ZFP64: variants seen among roughly 807,000 people sequenced by gnomAD.
ZFP64 encodes the protein zinc finger protein 64.
Under a neutral mutation model 51.6 loss-of-function variants are expected in ZFP64, and 14 were observed. That is an observed-to-expected ratio of 0.27 (90% confidence interval 0.18 to 0.42). ZFP64 has a LOEUF of 0.42. Ranked by LOEUF, ZFP64 falls within the 10% of genes least tolerant of loss-of-function variation. ZFP64 has a pLI of 1.00. For missense variants in ZFP64, 754 were observed against 906.8 expected (o/e 0.83, Z 2.16); for synonymous variants, 375 against 361.4 (o/e 1.04, Z -0.43).
intron 5 of ZFP64, among the ~76,000 whole-genome samples, chr20:52,134,514 A>G (rs908969970): frequency 3.3e-5 from 5 of 152,198 alleles, no homozygotes; most frequent in African/African-American, 1.2e-4. Flanking sequence ...GGGACTGACA[A>G]CTTTTCAGCC....
At chr20:52,108,415 G>A (rs954383870) in intron 5 of ZFP64, among the ~76,000 whole-genome samples, 1 of 151,604 alleles carries the variant, frequency 6.6e-6, no homozygotes, top group Non-Finnish European at 1.5e-5. Context: ...CAAATATAAT[G>A]ACAACTGATT....
chr20:52,161,715 G>A (rs1227584106), intron 4 of ZFP64, among the ~76,000 whole-genome samples: 2 of 152,082 alleles, frequency 1.3e-5, no homozygotes, highest in Non-Finnish European at 2.9e-5. Flanking sequence ...CACTGATAGC[G>A]TGTATCATAT....
chr20:52,119,534 ATATAT>A (rs1399453495), intron 5 of ZFP64, among the ~76,000 whole-genome samples: 6 of 41,820 alleles, frequency 1.4e-4, no homozygotes, highest in African/African-American at 5.4e-4. Context: ...AAAAAAAAAA[ATATAT>A]ATATATATAT....
At chr20:52,182,657 T>G (rs1212517052) in intron 2 of ZFP64, among the ~76,000 whole-genome samples, 1 of 152,162 alleles carries the variant, frequency 6.6e-6, no homozygotes, top group Non-Finnish European at 1.5e-5. Context: ...AGATCAAGGC[T>G]GCAGTGAGCC....
At chr20:52,181,803 G>A (rs925845234) in intron 2 of ZFP64, among the ~76,000 whole-genome samples, 3 of 152,222 alleles carry the variant, frequency 2.0e-5, no homozygotes, top group African/African-American at 7.2e-5. Flanking sequence ...GCTCCCAGGG[G>A]ATCTTGGTCC....
chr20:52,128,242 C>T (rs1042069410), intron 5 of ZFP64, among the ~76,000 whole-genome samples: 3 of 152,124 alleles, frequency 2.0e-5, no homozygotes, highest in African/African-American at 7.2e-5. Context: ...AGTTTGAGAC[C>T]AGCCTGGGCA....
intron 1 of ZFP64, among the ~76,000 whole-genome samples, chr20:52,188,206 A>G (rs79935707): frequency 0.023 from 3,532 of 152,068 alleles, 130 homozygotes; most frequent in African/African-American, 0.081. Flanking sequence ...CAACACTGCA[A>G]TCAATCAATT....
rs34646115 is a variant in ZFP64, at chr20:52,102,107, C to CAAAAAAAAAAAAAAAA, written c.764-3536_764-3521dup. 9.0e-4 allele frequency among the ~76,000 whole-genome samples: 57 copies of CAAAAAAAAAAAAAAAA among 63,396 alleles called. 2 individuals are homozygous for CAAAAAAAAAAAAAAAA. The highest frequency in any genetic ancestry group is 1.2e-3 in the Non-Finnish European group (38 of 32,662). The allele number at this position is 63,396 out of a possible 152,430, so 41.6% of individuals were successfully genotyped here. The stretch of plus-strand genomic sequence containing the variant: ...AGCCTGGTGAGAGTAACTCCATCTC[C>CAAAAAAAAAAAAAAAA]AAAAAAAAAAAAAAAAAAGGCAGCA... On this transcript the variant is annotated intron_variant, in intron 5 of 8. Coordinates refer to the ZFP64 transcript ENST00000361387.
Position 52,152,278 on chromosome 20 carries a change from G to A in ZFP64, c.1914C>T (p.Ile638=), listed in dbSNP as rs759832692. 14 of 1,614,130 alleles carry A rather than the reference G, an allele frequency of 8.7e-6. No individual in the cohort carries two copies. The highest frequency in any genetic ancestry group is 1.2e-5 in the Non-Finnish European group (14 of 1,180,026). ...CCGGTGGCGCTGTGGTGGCCACTGC[G>A]ATGTTCTGGCCTCCATCGCTCACCA... ...VTVVSDGGQN[I]AVATTAPPVF... Residue 638 remains isoleucine, a synonymous_variant, in exon 6 of 6, where the codon ATC becomes ATT. Transcript: ENST00000216923.
chr20:52,145,179 C>G (rs1980462925), intron 5 of ZFP64, among the ~76,000 whole-genome samples: 1 of 152,100 alleles, frequency 6.6e-6, no homozygotes, highest in South Asian at 2.1e-4. Context: ...AACTAGAGAC[C>G]AGCTGCATGT....
At chr20:52,108,084 TG>T (rs746082954) in intron 5 of ZFP64, among the ~76,000 whole-genome samples, 70 of 152,084 alleles carry the variant, frequency 4.6e-4, no homozygotes, top group Non-Finnish European at 1.8e-4. Context: ...AAAAATTAGC[TG>T]GGCGGATGAC....
chr20:52,132,971 G>A (rs994987518), intron 5 of ZFP64, among the ~76,000 whole-genome samples: 1 of 152,036 alleles, frequency 6.6e-6, no homozygotes, highest in East Asian at 1.9e-4. Context: ...CAAAATACTA[G>A]CAAACCAAAT....
At chr20:52,182,671 A>G (rs1983695251) in intron 2 of ZFP64, among the ~76,000 whole-genome samples, 1 of 152,206 alleles carries the variant, frequency 6.6e-6, no homozygotes, top group South Asian at 2.1e-4. Flanking sequence ...GTGAGCCATG[A>G]CTGCACTACT....
intron 2 of ZFP64, among the ~76,000 whole-genome samples, chr20:52,178,234 C>T (rs1193282738): frequency 1.3e-5 from 2 of 151,974 alleles, no homozygotes; most frequent in African/African-American, 4.8e-5. Context: ...GTTTGAGAAA[C>T]ATCGCAATGA....
chr20:52,160,232 G>T lies in ZFP64; in HGVS notation c.654C>A (p.Leu218=). The T allele has an allele frequency of 6.2e-7, 1 of 1,614,194 alleles. No homozygotes were observed. The highest frequency in any genetic ancestry group is 8.5e-7 in the Non-Finnish European group (1 of 1,180,048). Residue 218 remains leucine, a synonymous_variant, in exon 5 of 6, where the codon CTC becomes CTA. Coordinates refer to ENST00000216923, the MANE Select transcript of ZFP64 (RefSeq NM_018197.3). The surrounding 1 kb of genome is among the most constrained non-coding windows in gnomAD (Gnocchi z 4.2). ...CCGAGTGGATCCTCAGGTGCTTGTT[G>T]AGGCTGCTGCTGTCGGCAGCGGCGT... ...CDYAAADSSS[L]NKHLRIHSDE... is the part of the protein sequence containing the mutation.
intron 5 of ZFP64, among the ~76,000 whole-genome samples, chr20:52,113,430 T>C (rs1250960122): frequency 7.0e-6 from 1 of 143,840 alleles, no homozygotes; most frequent in Non-Finnish European, 1.5e-5. Flanking sequence ...TTCTTTTTTT[T>C]TTTTTTTTTT....
chr20:52,180,580 T>A (rs1192326013), intron 2 of ZFP64, among the ~76,000 whole-genome samples: 2 of 145,968 alleles, frequency 1.4e-5, no homozygotes, highest in African/African-American at 5.0e-5. Context: ...TCAATCTTGG[T>A]CAAGTGATCA....
chr20:52,119,503 C>T lies in ZFP64; in HGVS notation c.764-20916G>A, dbSNP rs1979046312. 3.3e-5 allele frequency among the ~76,000 whole-genome samples: 4 copies of T among 120,976 alleles called. No individual in the cohort carries two copies. In the South Asian group the frequency reaches 8.6e-4, roughly 26 times the overall value. The allele number at this position is 120,976 out of a possible 152,430, so 79.4% of individuals were successfully genotyped here. On this transcript the variant is annotated intron_variant, in intron 5 of 8. Coordinates refer to the ZFP64 transcript ENST00000361387. Reference sequence around the variant, plus strand: ...TGTCACTTCACTCTAGCCTGGGAAACAGAGTGAGACTTCATCTAAAAAAAA... The same window carrying T: ...TGTCACTTCACTCTAGCCTGGGAAATAGAGTGAGACTTCATCTAAAAAAAA...
At chr20:52,124,413 T>C (rs1205853471) in intron 5 of ZFP64, among the ~76,000 whole-genome samples, 1 of 152,138 alleles carries the variant, frequency 6.6e-6, no homozygotes, top group African/African-American at 2.4e-5. Flanking sequence ...CATTGAAATC[T>C]TTGAATTTTT....
Sources: gnomAD v4.1 joint callset for allele counts (sites outside exome capture counted in the v4.1 genomes callset) on GRCh38, gnomAD v4.1.1 for gene constraint, Gnocchi (gnomAD v3.1) non-coding constraint, MANE v1.5 for transcripts, NCBI Gene and HGNC (gene_info 2026-07-23, HGNC 2026-07-21) for gene names.